The following KIAA1958 variants were observed in gnomAD, a reference collection of about 807,000 sequenced individuals.
The protein encoded by KIAA1958 is uncharacterized protein KIAA1958.
In KIAA1958, 14 loss-of-function variants were observed where a neutral mutation model predicts 47.2. The observed-to-expected ratio is 0.30, with a 90% CI of 0.20 to 0.46. The LOEUF is 0.46. KIAA1958 is among the 20% of genes least tolerant of loss of function. KIAA1958 has a pLI of 1.00. For synonymous variants in KIAA1958, 354 were observed against 353.3 expected (o/e 1.00, Z -0.02); for missense variants, 803 against 909.2 (o/e 0.88, Z 1.50).
At chr9:112,586,955 T>C (rs1177018654) in intron 2 of KIAA1958, among the ~76,000 whole-genome samples, 1 of 152,124 alleles carries the variant, frequency 6.6e-6, no homozygotes, top group Non-Finnish European at 1.5e-5. Flanking sequence ...CTATTTTCAT[T>C]AGCAAAGCAG....
chr9:112,643,318 T>C (rs534318337), intron 2 of KIAA1958, among the ~76,000 whole-genome samples: 6 of 152,274 alleles, frequency 3.9e-5, no homozygotes, highest in Non-Finnish European at 7.3e-5. Flanking sequence ...TTGGTAAATA[T>C]TGGATGAGTG....
intron 1 of KIAA1958, among the ~76,000 whole-genome samples, chr9:112,559,343 C>T (rs1163061268): frequency 6.6e-6 from 1 of 152,088 alleles, no homozygotes; most frequent in Non-Finnish European, 1.5e-5. Context: ...TTTTAAAGGT[C>T]AAAATAGAGT....
chr9:112,629,703 A>G (rs753576933), intron 2 of KIAA1958, among the ~76,000 whole-genome samples: 2 of 152,114 alleles, frequency 1.3e-5, no homozygotes, highest in Non-Finnish European at 2.9e-5. Flanking sequence ...TTTTATGTCT[A>G]GTTTATTCCA....
chr9:112,524,954 A>G (rs1170448331), intron 1 of KIAA1958, among the ~76,000 whole-genome samples: 1 of 152,196 alleles, frequency 6.6e-6, no homozygotes, highest in Non-Finnish European at 1.5e-5. Context: ...ATCTGGGAAT[A>G]TTCTATACTT....
chr9:112,507,319 GA>G (rs1834249610), intron 1 of KIAA1958, among the ~76,000 whole-genome samples: 3 of 152,072 alleles, frequency 2.0e-5, no homozygotes, highest in African/African-American at 7.2e-5. Flanking sequence ...AAGATGTGTG[GA>G]ACTGACTGAG....
At chr9:112,658,640 T>G (rs1837196808) in intron 3 of KIAA1958, among the ~76,000 whole-genome samples, 1 of 152,082 alleles carries the variant, frequency 6.6e-6, no homozygotes, top group South Asian at 2.1e-4. Context: ...GGGTATTGAT[T>G]ATGAGTTCTG....
chr9:112,615,600 A>G (rs1191972145), intron 2 of KIAA1958, among the ~76,000 whole-genome samples: 1 of 152,192 alleles, frequency 6.6e-6, no homozygotes, highest in Non-Finnish European at 1.5e-5. Context: ...TTCTAGTTCT[A>G]GTTAGAAGAA....
At chr9:112,539,090 C>T (rs890778660) in intron 1 of KIAA1958, among the ~76,000 whole-genome samples, 3 of 152,162 alleles carry the variant, frequency 2.0e-5, no homozygotes, top group African/African-American at 7.2e-5. Context: ...TCATACATCA[C>T]TAGTAGAAGT....
intron 2 of KIAA1958, among the ~76,000 whole-genome samples, chr9:112,633,465 AT>A (rs940002514): frequency 2.0e-5 from 3 of 152,116 alleles, no homozygotes; most frequent in Non-Finnish European, 4.4e-5. Context: ...ATTTTTAAGG[AT>A]TTTTTAATGT....
At chr9:112,560,606 G>T (rs966630823) in intron 1 of KIAA1958, among the ~76,000 whole-genome samples, 5 of 152,176 alleles carry the variant, frequency 3.3e-5, no homozygotes, top group African/African-American at 7.2e-5. Context: ...CTTGGCAAAG[G>T]TATAACTAGT....
intron 2 of KIAA1958, among the ~76,000 whole-genome samples, chr9:112,625,920 A>G (rs1161512700): frequency 6.6e-6 from 1 of 152,212 alleles, no homozygotes; most frequent in African/African-American, 2.4e-5. Flanking sequence ...AATTCTAGTT[A>G]TAGATTATGA....
At chr9:112,487,974 T>TG (rs71382438) in intron 1 of KIAA1958, among the ~76,000 whole-genome samples, 3 of 150,136 alleles carry the variant, frequency 2.0e-5, no homozygotes, top group Admixed American at 6.7e-5. Flanking sequence ...TGTGTGTGTG[T>TG]TTTGAAGTTT....
At chr9:112,590,627 A>T (rs959340115) in intron 2 of KIAA1958, among the ~76,000 whole-genome samples, 1 of 152,186 alleles carries the variant, frequency 6.6e-6, no homozygotes, top group African/African-American at 2.4e-5. Context: ...CTAGGATTAC[A>T]GGCATGAGCC....
intron 2 of KIAA1958, among the ~76,000 whole-genome samples, chr9:112,630,654 AATT>A (rs144142943): frequency 0.017 from 2,608 of 152,308 alleles, 71 homozygotes; most frequent in African/African-American, 0.058. Context: ...GGTTCTCCAA[AATT>A]ATTAAGTTGG....
At chr9:112,640,501 A>G (rs2131238581) in intron 2 of KIAA1958, among the ~76,000 whole-genome samples, 2 of 152,218 alleles carry the variant, frequency 1.3e-5, no homozygotes, top group Non-Finnish European at 2.9e-5. Flanking sequence ...TCATTCCTCC[A>G]GGATCTCGGT....
intron 1 of KIAA1958, among the ~76,000 whole-genome samples, chr9:112,540,336 A>G (rs7019703): frequency 0.95 from 145,365 of 152,280 alleles, 69,453 homozygotes; most frequent in African/African-American, 0.99. Context: ...AAATGATTCA[A>G]CAAGACAGCA....
At chr9:112,519,239 C>A (rs1236372954) in intron 1 of KIAA1958, among the ~76,000 whole-genome samples, 1 of 152,164 alleles carries the variant, frequency 6.6e-6, no homozygotes, top group Non-Finnish European at 1.5e-5. Context: ...CCATCATGCC[C>A]AGACTAGCTC....
intron 2 of KIAA1958, among the ~76,000 whole-genome samples, chr9:112,627,108 A>G (rs1482398033): frequency 6.6e-6 from 1 of 152,208 alleles, no homozygotes; most frequent in Non-Finnish European, 1.5e-5. Context: ...AGAAGGAAAT[A>G]TTGTAGTTGT....
chr9:112,574,030 C>A (rs1835586024), intron 1 of KIAA1958, 27 bp from the exon 2 acceptor site: 1 of 1,197,118 alleles, frequency 8.4e-7, no homozygotes, highest in Non-Finnish European at 1.2e-6. Context: ...GTAATAATGG[C>A]TTCTTCTTTT....
Sources: allele counts gnomAD v4.1 joint callset (sites outside exome capture counted in the v4.1 genomes callset), GRCh38; gene constraint gnomAD v4.1.1; transcripts MANE v1.5; gene names NCBI Gene and HGNC (gene_info 2026-07-23, HGNC 2026-07-21).